The following GRID2 variants were observed in gnomAD, a reference collection of about 807,000 sequenced individuals.
GRID2 encodes the protein glutamate receptor ionotropic, delta-2.
A neutral mutation model predicts 114.8 loss-of-function variants in GRID2; 33 were observed. The ratio of observed to expected loss-of-function variants is 0.29; its 90% CI spans 0.22 to 0.38. The LOEUF is 0.38. Among genes scored for constraint, GRID2 ranks in the 10% least tolerant of loss-of-function variants. GRID2 has a pLI of 1.00. For missense variants in GRID2, 1,184 were observed against 1,257.7 expected (o/e 0.94, Z 0.89); for synonymous variants, 505 against 449.9 (o/e 1.12, Z -1.55).
chr4:93,498,956 T>C (rs1183158231), intron 12 of GRID2, among the ~76,000 whole-genome samples: 1 of 151,916 alleles, frequency 6.6e-6, no homozygotes, highest in East Asian at 1.9e-4. Flanking sequence ...TTATCTTCTA[T>C]TCCTAGTTTT....
At chr4:93,233,313 G>GATTATT (rs199852003) in intron 7 of GRID2, among the ~76,000 whole-genome samples, 1 of 149,448 alleles carries the variant, frequency 6.7e-6, no homozygotes, top group African/African-American at 2.5e-5. Flanking sequence ...GACACTGAAG[G>GATTATT]ATTATTATTA....
Position 92,939,071 on chromosome 4 carries a change from G to T in GRID2, c.245-145924G>T, listed in dbSNP as rs553242584. Among the ~76,000 whole-genome samples, 45 of 146,726 alleles carry T rather than the reference G, an allele frequency of 3.1e-4. 2 individuals are homozygous for T. The highest frequency in any genetic ancestry group is 3.5e-3 in the Middle Eastern group (1 of 282). On this transcript the variant is annotated intron_variant, in intron 2 of 15. Transcript: ENST00000282020. ...GCAGCATGATTTATAATCTTTTGGGGATATACCCAGTAATGGGATGGCTGG... is the reference window on the plus strand; with the variant it reads ...GCAGCATGATTTATAATCTTTTGGGTATATACCCAGTAATGGGATGGCTGG...
At chr4:92,980,613 G>A (rs918726161) in intron 2 of GRID2, among the ~76,000 whole-genome samples, 7 of 151,926 alleles carry the variant, frequency 4.6e-5, no homozygotes, top group Admixed American at 2.6e-4. Context: ...ACAGAACTAG[G>A]TTTTAGGAGT....
At chr4:92,368,965 A>C (rs1728995347) in intron 1 of GRID2, among the ~76,000 whole-genome samples, 1 of 150,504 alleles carries the variant, frequency 6.6e-6, no homozygotes, top group Non-Finnish European at 1.5e-5. Context: ...AAAAAGTATT[A>C]GGTAACAGGA....
At chr4:93,496,594 C>T (rs1036749213) in intron 12 of GRID2, among the ~76,000 whole-genome samples, 2 of 151,686 alleles carry the variant, frequency 1.3e-5, no homozygotes, top group Non-Finnish European at 3.0e-5. Context: ...GTAAGTTTTG[C>T]GTTTCAAGAG....
rs1051741097 is a variant in GRID2 at position 93,031,099 on chromosome 4, T to C, written c.245-53896T>C. Among the ~76,000 whole-genome samples, 52 of 145,984 alleles carry C rather than the reference T, an allele frequency of 3.6e-4. 1 individual carries two copies. On this transcript the variant is annotated intron_variant, in intron 2 of 15. Transcript: ENST00000282020. ...TCGCCCAGACTGGAGTGCAGTGGCATGGTCTTGGCTCACTGCAGCCTCGGC... is the reference window on the plus strand; with the variant it reads ...TCGCCCAGACTGGAGTGCAGTGGCACGGTCTTGGCTCACTGCAGCCTCGGC...
At chr4:92,627,616 A>T in intron 2 of GRID2, among the ~76,000 whole-genome samples, 1 of 152,238 alleles carries the variant, frequency 6.6e-6, no homozygotes, top group East Asian at 1.9e-4. Flanking sequence ...TAATTTGGCC[A>T]TTGGTGATGC....
chr4:93,250,267 T>C (rs1748715056), intron 8 of GRID2, among the ~76,000 whole-genome samples: 1 of 152,076 alleles, frequency 6.6e-6, no homozygotes, highest in Non-Finnish European at 1.5e-5. Context: ...ACACTGCATG[T>C]TCTCACTCAT....
chr4:92,990,139 G>C (rs1172275947), intron 2 of GRID2, among the ~76,000 whole-genome samples: 1 of 150,912 alleles, frequency 6.6e-6, no homozygotes, highest in Admixed American at 6.6e-5. Context: ...CCTTCTTTAT[G>C]TTGGTGTATA....
At chr4:92,923,959 T>C (rs1749589701) in intron 2 of GRID2, among the ~76,000 whole-genome samples, 1 of 152,188 alleles carries the variant, frequency 6.6e-6, no homozygotes, top group Non-Finnish European at 1.5e-5. Context: ...CGTATGTTTA[T>C]TGCGGCACTA....
chr4:93,004,884 T>A (rs1473432256), intron 2 of GRID2, among the ~76,000 whole-genome samples: 1 of 152,100 alleles, frequency 6.6e-6, no homozygotes, highest in Admixed American at 6.6e-5. Flanking sequence ...ATGAAAGTAT[T>A]TTTTTCACTT....
intron 1 of GRID2, among the ~76,000 whole-genome samples, chr4:92,534,756 G>C (rs2149155479): frequency 6.6e-6 from 1 of 152,166 alleles, no homozygotes; most frequent in Non-Finnish European, 1.5e-5. Flanking sequence ...AAACAAAGCA[G>C]TATTTATCAC....
In GRID2 at chr4:92,372,895, G is replaced by A. The variant is rs189727047; in HGVS notation, c.88+68151G>A. Among the ~76,000 whole-genome samples the A allele has an allele frequency of 3.4e-3, 521 of 152,160 alleles. 1 individual carries two copies. In the Middle Eastern group the frequency reaches 0.037, roughly 11 times the overall value. The stretch of plus-strand genomic sequence containing the variant: ...ATTATTAATAAGAACATCTGATTCC[G>A]AAAATTATTATTCTTAATGAAAAAA... On this transcript the variant is annotated intron_variant, in intron 1 of 15. Coordinates refer to ENST00000282020, the MANE Select transcript of GRID2 (RefSeq NM_001510.4).
chr4:92,459,575 C>T (rs1388336796), intron 1 of GRID2, among the ~76,000 whole-genome samples: 1 of 152,006 alleles, frequency 6.6e-6, no homozygotes, highest in Non-Finnish European at 1.5e-5. Flanking sequence ...CTCTCCTTTC[C>T]TTTCTATTAC....
intron 8 of GRID2, among the ~76,000 whole-genome samples, chr4:93,329,228 A>G (rs1758177077): frequency 6.6e-6 from 1 of 152,146 alleles, no homozygotes; most frequent in South Asian, 2.1e-4. Flanking sequence ...TCTCAATACA[A>G]TTCATTACAC....
chr4:93,150,905 T>C (rs183650804), intron 4 of GRID2, among the ~76,000 whole-genome samples: 1 of 151,790 alleles, frequency 6.6e-6, no homozygotes, highest in East Asian at 1.9e-4. Context: ...GGTGGGAGGA[T>C]CACTTGAGGT....
intron 2 of GRID2, among the ~76,000 whole-genome samples, chr4:92,910,716 A>G (rs62311172): frequency 0.018 from 2,742 of 152,214 alleles, 43 homozygotes; most frequent in Non-Finnish European, 0.026. Context: ...CAGATGCTTG[A>G]GTCCCTGATA....
At chr4:92,658,791 GTGTATATATATA>G (rs752273723) in intron 2 of GRID2, among the ~76,000 whole-genome samples, 76 of 111,202 alleles carry the variant, frequency 6.8e-4, no homozygotes, top group African/African-American at 2.3e-3. Flanking sequence ...GTGTGTGTGT[GTGTATATATATA>G]TATATATATA....
At chr4:93,552,112 G>A (rs1050877915) in intron 13 of GRID2, among the ~76,000 whole-genome samples, 3 of 144,180 alleles carry the variant, frequency 2.1e-5, no homozygotes, top group Admixed American at 1.5e-4. Flanking sequence ...TCCCACCTAT[G>A]AGTGAGAACA....
Sources: allele counts gnomAD v4.1 joint callset (sites outside exome capture counted in the v4.1 genomes callset), GRCh38; gene constraint gnomAD v4.1.1; transcripts MANE v1.5; gene names NCBI Gene and HGNC (gene_info 2026-07-23, HGNC 2026-07-21).